SIMC1: variants seen among roughly 807,000 people sequenced by gnomAD.
SIMC1 encodes the protein SUMO-interacting motif-containing protein 1.
SIMC1 carries 55 observed loss-of-function variants against 82.3 expected under a neutral mutation model. The ratio of observed to expected loss-of-function variants is 0.67; its 90% CI spans 0.54 to 0.84. The LOEUF is 0.84. Among genes scored for constraint, SIMC1 ranks in the 40% least tolerant of loss-of-function variants. The pLI, the probability that SIMC1 is intolerant of heterozygous loss-of-function variation, is 0.00. For missense variants in SIMC1, 915 were observed against 1,107.2 expected (o/e 0.83, Z 2.46); for synonymous variants, 353 against 426.3 (o/e 0.83, Z 2.12).
intron 4 of SIMC1, among the ~76,000 whole-genome samples, chr5:176,310,640 G>A (rs1472558762): frequency 1.3e-5 from 2 of 152,162 alleles, no homozygotes; most frequent in African/African-American, 2.4e-5. Context: ...CCAGGGATAG[G>A]GACTGGAGGA....
rs761335034 is a variant in SIMC1, at chr5:176,290,136, CT to C, written c.614del (p.Leu205CysfsTer57). ...GCAGCAGCAGCAATCAAAAAGCACC[CT>C]TGCCATGCCCACAGCAAGATGTATC... ...SSSSSNQKAPLPCPQQDVSRP... is the reference protein window; with the variant it reads ...SSSSSNQKAPXPCPQQDVSRP... On this transcript the variant is annotated frameshift_variant, in exon 2 of 10. Transcript: ENST00000429602. LOFTEE classifies it high-confidence loss of function. 6.9e-6 allele frequency: 11 copies of C among 1,605,582 alleles called. No individual in the cohort carries two copies. Among genetic ancestry groups the C allele is most frequent in the Non-Finnish European group, 9.4e-6 (11 of 1,176,058 alleles).
At chr5:176,261,518 A>G (rs185142975) in intron 1 of SIMC1, among the ~76,000 whole-genome samples, 7 of 152,024 alleles carry the variant, frequency 4.6e-5, no homozygotes, top group Admixed American at 3.9e-4. Context: ...AGGCCGAGGC[A>G]GGTGGATCAC....
At chr5:176,259,774 A>G (rs1761955814) in intron 1 of SIMC1, among the ~76,000 whole-genome samples, 2 of 150,886 alleles carry the variant, frequency 1.3e-5, no homozygotes, top group Non-Finnish European at 3.0e-5. Flanking sequence ...CTCTATCTCA[A>G]AAATAATAAT....
intron 4 of SIMC1, among the ~76,000 whole-genome samples, chr5:176,312,591 G>GTTAT (rs1343034364): frequency 7.0e-6 from 1 of 143,800 alleles, no homozygotes; most frequent in African/African-American, 2.6e-5. Flanking sequence ...TTTTAAAAAA[G>GTTAT]CATTTGCATC....
At position 176,336,868 on chromosome 5, in the gene SIMC1, A is replaced by G; in HGVS notation, c.2320A>G (p.Lys774Glu). ...TCTGAATAATTCTACGTCACTGCTC[A>G]AGTGTCAGGTACATTTTTTCCTGCC... ...YFLNNSTSLL[K>E]CQSDKSQWQT... Residue 774 changes from lysine (K) to glutamate (E), a missense_variant, in exon 8 of 10, where the codon AAG becomes GAG. Around this residue, in one of 2 missense-constraint regions of SIMC1, gnomAD observed 902 missense variants for 1,040.3 expected, o/e 0.87. Coordinates refer to ENST00000429602, the MANE Select transcript of SIMC1 (RefSeq NM_001308195.2). The G allele has an allele frequency of 6.2e-7, 1 of 1,613,936 alleles. No individual in the cohort carries two copies. The highest frequency in any genetic ancestry group is 1.1e-5 in the South Asian group (1 of 91,070).
chr5:176,284,603 C>T, intron 1 of SIMC1, among the ~76,000 whole-genome samples: 1 of 152,132 alleles, frequency 6.6e-6, no homozygotes, highest in Non-Finnish European at 1.5e-5. Context: ...CCTAACATCA[C>T]AATTAAAAGA....
At chr5:176,336,189 T>C (rs1159165142) in intron 7 of SIMC1, among the ~76,000 whole-genome samples, 2 of 152,116 alleles carry the variant, frequency 1.3e-5, no homozygotes, top group East Asian at 3.9e-4. Context: ...TAGACCACTC[T>C]CACCAGTGCT....
At chr5:176,322,589 C>T (rs1765214158) in intron 6 of SIMC1, 164 bp downstream of exon 6, 1 of 906,900 alleles carries the variant, frequency 1.1e-6, no homozygotes, top group African/African-American at 1.7e-5. Flanking sequence ...TTTCTGATTT[C>T]AAAGGCAGAA....
chr5:176,305,754 GT>G (rs1328673109), intron 4 of SIMC1, among the ~76,000 whole-genome samples: 3 of 63,930 alleles, frequency 4.7e-5, no homozygotes, highest in African/African-American at 1.2e-4. Context: ...CGGGAGGGAG[GT>G]GAGGGGGTCA....
chr5:176,253,140 CAG>C (rs1161107822), intron 1 of SIMC1, among the ~76,000 whole-genome samples: 4 of 152,244 alleles, frequency 2.6e-5, no homozygotes, highest in African/African-American at 9.6e-5. Context: ...AAAGGGGAGA[CAG>C]AGAGGGAGAG....
At chr5:176,304,759 C>G (rs1409473329) in intron 4 of SIMC1, among the ~76,000 whole-genome samples, 2 of 151,314 alleles carry the variant, frequency 1.3e-5, no homozygotes, top group African/African-American at 4.9e-5. Context: ...TCTTCCCAGC[C>G]GCCATCCATC....
At chr5:176,249,895 G>T (rs1304510409) in intron 1 of SIMC1, among the ~76,000 whole-genome samples, 1 of 148,912 alleles carries the variant, frequency 6.7e-6, no homozygotes, top group African/African-American at 2.5e-5. Context: ...TTTTTTGAAG[G>T]GTTTTTCATG....
chr5:176,343,695 A>G (rs1766257205), intron 9 of SIMC1, among the ~76,000 whole-genome samples: 2 of 152,210 alleles, frequency 1.3e-5, no homozygotes, highest in Non-Finnish European at 2.9e-5. Flanking sequence ...GTACTTCAGC[A>G]TGTTCAGCAT....
At chr5:176,251,648 A>G (rs1378418848) in intron 1 of SIMC1, among the ~76,000 whole-genome samples, 3 of 150,450 alleles carry the variant, frequency 2.0e-5, no homozygotes, top group Admixed American at 6.6e-5. Flanking sequence ...TGGCAGGGTC[A>G]TAGGACAATA....
At chr5:176,307,145 AAAAC>A (rs1764459707) in intron 4 of SIMC1, among the ~76,000 whole-genome samples, 1 of 152,210 alleles carries the variant, frequency 6.6e-6, no homozygotes, top group African/African-American at 2.4e-5. Context: ...ATTTTTTAAA[AAAAC>A]AAAAAATAAG....
chr5:176,345,466 G>T lies in SIMC1; in HGVS notation c.*21G>T. ...CCTGAGGGCCTGCCAAGCACTGAAT[G>T]CCAAGAATACCTCCTGAACTCTCTC... On this transcript the variant is annotated 3_prime_UTR_variant, in exon 10 of 10. Transcript: ENST00000429602. 6.3e-7 allele frequency: 1 copy of T among 1,599,300 alleles called. No homozygotes were observed. The highest frequency in any genetic ancestry group is 8.5e-7 in the Non-Finnish European group (1 of 1,172,600).
chr5:176,246,407 G>GTGT (rs1761444036), intron 1 of SIMC1, among the ~76,000 whole-genome samples: 2 of 136,972 alleles, frequency 1.5e-5, no homozygotes, highest in African/African-American at 5.5e-5. Flanking sequence ...ATAGTTCAGG[G>GTGT]GTGTGTGTGT....
At position 176,290,527 on chromosome 5, in the gene SIMC1, A is replaced by G; in HGVS notation, c.1003A>G (p.Met335Val). 6.8e-6 allele frequency: 11 copies of G among 1,613,996 alleles called. No individual in the cohort carries two copies. Among genetic ancestry groups the G allele is most frequent in the Non-Finnish European group, 9.3e-6 (11 of 1,179,894 alleles). Residue 335 changes from methionine to valine, a missense_variant, in exon 2 of 10, where the codon ATG becomes GTG. By Grantham distance (21) the Met-to-Val change is conservative. Coordinates refer to ENST00000429602, the MANE Select transcript of SIMC1 (RefSeq NM_001308195.2). ...SPDAPQSPGG[M>V]PHLPGDVLHS... ...AGATGCACCACAGTCACCAGGGGGC[A>G]TGCCACACTTACCGGGAGATGTGTT... is the stretch of plus-strand genomic sequence containing the variant.
chr5:176,288,065 A>G (rs1763375612), intron 1 of SIMC1, among the ~76,000 whole-genome samples: 3 of 152,280 alleles, frequency 2.0e-5, no homozygotes, highest in Admixed American at 2.0e-4. Context: ...AAAATGAAAA[A>G]AGCAAACATT....
Sources: gnomAD v4.1 joint callset for allele counts (sites outside exome capture counted in the v4.1 genomes callset) on GRCh38, gnomAD v4.1.1 for gene constraint, gnomAD v4.1.1 regional missense constraint, MANE v1.5 for transcripts, NCBI Gene and HGNC (gene_info 2026-07-23, HGNC 2026-07-21) for gene names.